CDH13: variants seen among roughly 807,000 people sequenced by gnomAD.
CDH13 encodes the protein cadherin 13, also known as cadherin-13.
A neutral mutation model predicts 63.8 loss-of-function variants in CDH13; 24 were observed. That is an observed-to-expected ratio of 0.38 (90% confidence interval 0.27 to 0.53). The LOEUF (loss-of-function observed/expected upper bound fraction) is 0.53. Ranked by LOEUF, CDH13 falls within the 20% of genes least tolerant of loss-of-function variation. CDH13 has a pLI of 0.85. For synonymous variants in CDH13, 503 were observed against 355.3 expected (o/e 1.42, Z -4.67); for missense variants, 1,049 against 903.1 (o/e 1.16, Z -2.07).
At chr16:83,604,283 G>A (rs6563942) in intron 8 of CDH13, among the ~76,000 whole-genome samples, 21,569 of 152,012 alleles carry the variant, frequency 0.14, 3,272 homozygotes, top group African/African-American at 0.38. Context: ...ACTTCCCATG[G>A]CAGGGTTCCT....
chr16:83,617,163 T>C (rs866010867), intron 8 of CDH13, among the ~76,000 whole-genome samples: 1 of 152,194 alleles, frequency 6.6e-6, no homozygotes, highest in South Asian at 2.1e-4. Context: ...CATCTCCTTT[T>C]CATCTCCGCC....
chr16:83,494,914 C>T (rs1255268903), intron 7 of CDH13, among the ~76,000 whole-genome samples: 1 of 152,148 alleles, frequency 6.6e-6, no homozygotes, highest in Non-Finnish European at 1.5e-5. Flanking sequence ...ACATATGGCA[C>T]TATGATGTCA....
chr16:83,033,643 T>A (rs1916585227), intron 3 of CDH13, among the ~76,000 whole-genome samples: 1 of 152,150 alleles, frequency 6.6e-6, no homozygotes, highest in African/African-American at 2.4e-5. Flanking sequence ...TGCATGCAGA[T>A]CCCTGCACTC....
chr16:83,485,836 G>C (rs868481988), intron 6 of CDH13, among the ~76,000 whole-genome samples: 2 of 152,090 alleles, frequency 1.3e-5, no homozygotes, highest in African/African-American at 4.8e-5. Flanking sequence ...CATGGAGTTG[G>C]CATTGAATCA....
intron 6 of CDH13, among the ~76,000 whole-genome samples, chr16:83,483,467 T>C (rs1170411949): frequency 6.3e-4 from 1 of 1,582 alleles, no homozygotes; most frequent in African/African-American, 6.5e-4. Context: ...CTGAAAGGTC[T>C]TTTTTTTTTT....
chr16:83,098,358 T>C (rs1017051209), intron 3 of CDH13, among the ~76,000 whole-genome samples: 2 of 152,232 alleles, frequency 1.3e-5, no homozygotes, highest in Non-Finnish European at 2.9e-5. Flanking sequence ...CTACATTACA[T>C]TGCTATTATT....
chr16:83,750,273 G>T (rs937648595), intron 11 of CDH13, among the ~76,000 whole-genome samples: 3 of 152,218 alleles, frequency 2.0e-5, no homozygotes, highest in East Asian at 1.9e-4. Flanking sequence ...TCCAGCCGGG[G>T]TGACAGAGTG....
At chr16:82,936,970 G>C (rs2042688394) in intron 2 of CDH13, among the ~76,000 whole-genome samples, 1 of 152,068 alleles carries the variant, frequency 6.6e-6, no homozygotes, top group Non-Finnish European at 1.5e-5. Context: ...CATGGTCCTG[G>C]GCTGTGACCT....
At chr16:82,762,671 T>C (rs1316589081) in intron 1 of CDH13, among the ~76,000 whole-genome samples, 3 of 152,164 alleles carry the variant, frequency 2.0e-5, no homozygotes, top group African/African-American at 7.2e-5. Flanking sequence ...GGCCAAACAG[T>C]GGGCGTACTG....
chr16:83,494,409 A>C (rs2074089214), intron 7 of CDH13, among the ~76,000 whole-genome samples: 1 of 152,204 alleles, frequency 6.6e-6, no homozygotes, highest in South Asian at 2.1e-4. Flanking sequence ...CATTGTTCTA[A>C]ACCCCAAATC....
At chr16:83,445,206 G>T (rs894706186) in intron 6 of CDH13, among the ~76,000 whole-genome samples, 1 of 107,110 alleles carries the variant, frequency 9.3e-6, no homozygotes, top group Non-Finnish European at 2.4e-5. Flanking sequence ...TTCCCATTTT[G>T]CAGCTGAGGA....
At chr16:82,971,787 A>G (rs1379692728) in intron 2 of CDH13, among the ~76,000 whole-genome samples, 1 of 152,212 alleles carries the variant, frequency 6.6e-6, no homozygotes, top group Admixed American at 6.5e-5. Flanking sequence ...GTTTCCCCTT[A>G]ACTGCCTGTG....
intron 5 of CDH13, among the ~76,000 whole-genome samples, chr16:83,231,634 A>G (rs563220934): frequency 1.3e-5 from 2 of 152,232 alleles, no homozygotes; most frequent in East Asian, 1.9e-4. Context: ...CACTCATTGC[A>G]TATTGTCTGT....
chr16:83,055,831 G>A (rs547101414), intron 3 of CDH13, among the ~76,000 whole-genome samples: 24 of 152,234 alleles, frequency 1.6e-4, no homozygotes, highest in African/African-American at 5.3e-4. Flanking sequence ...TCTAATGAAT[G>A]TATATGAGAA....
rs1246922758 is a variant in CDH13 at position 83,680,952 on chromosome 16, A to G, written c.1538+2491A>G. ...TCTCCATCCTCAGCCATATTTGCACATCTGTAGAGGGAAGAGGGAAGAGGC... is the reference window on the plus strand; with the variant it reads ...TCTCCATCCTCAGCCATATTTGCACGTCTGTAGAGGGAAGAGGGAAGAGGC... On this transcript the variant is annotated intron_variant, in intron 10 of 13. Coordinates refer to ENST00000567109, the MANE Select transcript of CDH13 (RefSeq NM_001257.5). Among the ~76,000 whole-genome samples the G allele has an allele frequency of 3.3e-5, 5 of 151,940 alleles. No homozygotes were observed. In the East Asian group the frequency reaches 9.7e-4, roughly 29 times the overall value.
intron 2 of CDH13, among the ~76,000 whole-genome samples, chr16:82,939,038 TTGTC>T (rs2042752621): frequency 6.6e-6 from 1 of 152,054 alleles, no homozygotes; most frequent in Non-Finnish European, 1.5e-5. Context: ...CAATGGGAGG[TTGTC>T]TGGAGCACAG....
At chr16:83,076,085 C>A (rs1391200254) in intron 3 of CDH13, among the ~76,000 whole-genome samples, 3 of 152,020 alleles carry the variant, frequency 2.0e-5, no homozygotes, top group South Asian at 2.1e-4. Context: ...AGACATCCTG[C>A]CTGATGAACA....
At chr16:83,319,933 C>T (rs1272161471) in intron 5 of CDH13, among the ~76,000 whole-genome samples, 1 of 152,210 alleles carries the variant, frequency 6.6e-6, no homozygotes, top group Non-Finnish European at 1.5e-5. Context: ...AGCCCACAGA[C>T]AGTAGACGTT....
chr16:82,715,280 C>G (rs1052905181), intron 1 of CDH13, among the ~76,000 whole-genome samples: 1 of 151,968 alleles, frequency 6.6e-6, no homozygotes, highest in Non-Finnish European at 1.5e-5. Context: ...GGCTGAAAAT[C>G]AACTATGGCT....
Sources: allele counts gnomAD v4.1 joint callset (sites outside exome capture counted in the v4.1 genomes callset), GRCh38; gene constraint gnomAD v4.1.1; transcripts MANE v1.5; gene names NCBI Gene and HGNC (gene_info 2026-07-23, HGNC 2026-07-21).